Variants in KCNQ2 observed in about 807,000 individuals in gnomAD.
The protein encoded by KCNQ2 is potassium voltage-gated channel subfamily KQT member 2.
Under a neutral mutation model 84.8 loss-of-function variants are expected in KCNQ2, and 14 were observed. The ratio of observed to expected loss-of-function variants is 0.17; its 90% CI spans 0.11 to 0.26. The LOEUF (loss-of-function observed/expected upper bound fraction) is 0.26. KCNQ2 is among the 10% of genes least tolerant of loss of function. The pLI, the probability that KCNQ2 is intolerant of heterozygous loss-of-function variation, is 1.00. For synonymous variants in KCNQ2, 599 were observed against 554.1 expected (o/e 1.08, Z -1.14); for missense variants, 788 against 1,254.0 (o/e 0.63, Z 5.61).
chr20:63,438,145 C>T lies in KCNQ2; in HGVS notation c.1023+480G>A. 1 of 194,556 alleles carries T rather than the reference C, an allele frequency of 5.1e-6. No homozygotes were observed. Among genetic ancestry groups the T allele is most frequent in the Non-Finnish European group, 1.1e-5 (1 of 92,714 alleles). The allele number at this position is 194,556 out of a possible 1,614,324, so 12.1% of individuals were successfully genotyped here. A position where few individuals can be genotyped will look rare whatever the true frequency, so the allele number is the denominator to read the frequency against. ...TATTTTCAAGGTGGCTCAGGAATTA[C>T]TTGTGGATGCCACAGTGGTCACTGC... On this transcript the variant is annotated intron_variant, in intron 7 of 16. Transcript: ENST00000359125. This position sits in a 1 kb window ranked among gnomAD's most constrained non-coding sequence, Gnocchi z 5.1.
intron 7 of KCNQ2, among the ~76,000 whole-genome samples, chr20:63,436,313 C>T (rs961614362): frequency 7.9e-5 from 12 of 152,174 alleles, no homozygotes; most frequent in Non-Finnish European, 1.5e-4. Flanking sequence ...GGGAGGATCA[C>T]GAAGTCAGGA....
At chr20:63,432,700 TCTGGGAAGGCC>T (rs2080856508) in intron 8 of KCNQ2, among the ~76,000 whole-genome samples, 2 of 108,472 alleles carry the variant, frequency 1.8e-5, no homozygotes, top group African/African-American at 6.7e-5. Flanking sequence ...GGCCCCACCC[TCTGGGAAGGCC>T]CCACCCTCAG....
intron 10 of KCNQ2, chr20:63,424,571 G>A (rs1479865060): frequency 6.9e-6 from 2 of 288,594 alleles, no homozygotes; most frequent in Admixed American, 4.8e-5. Flanking sequence ...AGCTCTGGAA[G>A]GGAGTTTAAT....
intron 15 of KCNQ2, 128 bp downstream of exon 15, chr20:63,413,322 G>T (rs1340826781): frequency 9.6e-7 from 1 of 1,046,222 alleles, no homozygotes. Context: ...GCTGACAGAG[G>T]CCGACGTGGG....
At chr20:63,441,007 C>G (rs889983221) in intron 5 of KCNQ2, among the ~76,000 whole-genome samples, 2 of 145,956 alleles carry the variant, frequency 1.4e-5, no homozygotes, top group South Asian at 2.3e-4. Flanking sequence ...TCGCTCTGTC[C>G]CCCAGGCTGG....
rs1052562699 is a variant in KCNQ2, at chr20:63,403,568, T to A, written c.*3076A>T. ...GTGTATACTGTGTGTGAGCTACACG[T>A]GTGTGCATGTGTGTGATCTGTGCAC... On this transcript the variant is annotated 3_prime_UTR_variant, in exon 17 of 17. Transcript: ENST00000359125. 1 of 152,252 alleles carries A rather than the reference T, an allele frequency of 6.6e-6. No individual in the cohort carries two copies. Among genetic ancestry groups the A allele is most frequent in the Admixed American group, 6.5e-5 (1 of 15,272 alleles). 9.4% of individuals were successfully genotyped at this position (152,252 alleles called of 1,614,324 possible).
intron 7 of KCNQ2, chr20:63,434,242 G>T (rs2145682992): frequency 6.0e-6 from 2 of 335,980 alleles, no homozygotes; most frequent in East Asian, 5.3e-5. Context: ...ACCTGTCCTG[G>T]GGGTTACCTT....
At chr20:63,459,755 A>G (rs2081901120) in intron 1 of KCNQ2, among the ~76,000 whole-genome samples, 1 of 152,342 alleles carries the variant, frequency 6.6e-6, no homozygotes, top group South Asian at 2.1e-4. Context: ...CTATTTTTAA[A>G]AAACAAAATA....
At position 63,408,582 on chromosome 20, in the gene KCNQ2, C is replaced by T. The variant is rs1478082341; in HGVS notation, c.1764-46G>A. The T allele has an allele frequency of 1.9e-6, 3 of 1,602,162 alleles. No homozygotes were observed. The South Asian group carries it at 3.4e-5, about 18-fold the overall frequency. ...AAAGCATGAGTTCGGGTGGGTGCAGCAGGGCCCCTGCCCTCTCCTCCTGGA... is the reference window on the plus strand; with the variant it reads ...AAAGCATGAGTTCGGGTGGGTGCAGTAGGGCCCCTGCCCTCTCCTCCTGGA... On this transcript the variant is annotated intron_variant, in intron 15 of 16. Coordinates refer to ENST00000359125, the MANE Select transcript of KCNQ2 (RefSeq NM_172107.4). The surrounding 1 kb of genome is among the most constrained non-coding windows in gnomAD (Gnocchi z 5.0).
chr20:63,456,189 G>A (rs1390687856), intron 1 of KCNQ2, among the ~76,000 whole-genome samples: 1 of 150,300 alleles, frequency 6.7e-6, no homozygotes, highest in African/African-American at 2.5e-5. Context: ...CCCCACCTCC[G>A]GGAGACTCCT....
chr20:63,463,586 G>A (rs531752932), intron 1 of KCNQ2: 16 of 152,380 alleles, frequency 1.1e-4, no homozygotes, highest in African/African-American at 3.1e-4. Flanking sequence ...CAGCCCCTCA[G>A]GGCAGACATC....
chr20:63,433,629 C>T (rs1455013837), intron 8 of KCNQ2, 180 bp downstream of exon 8: 2 of 1,175,380 alleles, frequency 1.7e-6, no homozygotes, highest in East Asian at 2.4e-5. Flanking sequence ...AGCCGCAGCT[C>T]TAACACAAAG....
intron 1 of KCNQ2, among the ~76,000 whole-genome samples, chr20:63,451,501 CTT>C (rs1398398132): frequency 6.6e-6 from 1 of 152,134 alleles, no homozygotes; most frequent in Admixed American, 6.5e-5. Context: ...TAGCTCGTGG[CTT>C]TTGTGATTGA....
At chr20:63,467,570 G>A (rs56303951) in intron 1 of KCNQ2, among the ~76,000 whole-genome samples, 23,658 of 152,198 alleles carry the variant, frequency 0.16, 2,273 homozygotes, top group Admixed American at 0.21. Context: ...GTGCTCTTGC[G>A]AGCAGCTGCC....
At chr20:63,430,708 G>A (rs1050054760) in intron 9 of KCNQ2, among the ~76,000 whole-genome samples, 34 of 152,342 alleles carry the variant, frequency 2.2e-4, no homozygotes, top group Non-Finnish European at 4.0e-4. Context: ...AGTGGGGACA[G>A]GGGTGGGACG....
chr20:63,433,380 C>T lies in KCNQ2; in HGVS notation c.1118+429G>A, dbSNP rs560254556. 1.5e-3 allele frequency: 432 copies of T among 288,170 alleles called. 2 individuals carry two copies. The highest frequency in any genetic ancestry group is 2.3e-3 in the Non-Finnish European group (359 of 154,804). The allele number at this position is 288,170 out of a possible 1,614,324, so 17.9% of individuals were successfully genotyped here. On this transcript the variant is annotated intron_variant, in intron 8 of 16. Coordinates refer to ENST00000359125, the MANE Select transcript of KCNQ2 (RefSeq NM_172107.4). ...GGGGTTACTTTCCTGCCCCCCACGC[C>T]GGAGCCCTAGGTCCTTGATGGGGGA...
At chr20:63,436,391 CGTG>C (rs2081006141) in intron 7 of KCNQ2, among the ~76,000 whole-genome samples, 1 of 152,086 alleles carries the variant, frequency 6.6e-6, no homozygotes, top group Admixed American at 6.6e-5. Context: ...ATTAGCCAGG[CGTG>C]GTGGTGGGTG....
chr20:63,436,657 T>C (rs1311977124), intron 7 of KCNQ2, among the ~76,000 whole-genome samples: 1 of 152,208 alleles, frequency 6.6e-6, no homozygotes, highest in Admixed American at 6.5e-5. Context: ...GCTCAGGTGA[T>C]TGTTAGTATT....
At chr20:63,412,800 G>A (rs2080160431) in intron 15 of KCNQ2, among the ~76,000 whole-genome samples, 2 of 152,232 alleles carry the variant, frequency 1.3e-5, no homozygotes, top group African/African-American at 4.8e-5. Flanking sequence ...GTCCCCTACT[G>A]CAGGAGAGAC....
Sources: gnomAD v4.1 joint callset for allele counts (sites outside exome capture counted in the v4.1 genomes callset) on GRCh38, gnomAD v4.1.1 for gene constraint, Gnocchi (gnomAD v3.1) non-coding constraint, MANE v1.5 for transcripts, NCBI Gene and HGNC (gene_info 2026-07-23, HGNC 2026-07-21) for gene names.